The following ARID5B variants were observed in gnomAD, a reference collection of about 807,000 sequenced individuals.
ARID5B encodes AT-rich interaction domain 5B, also known as AT-rich interactive domain-containing protein 5B.
Under a neutral mutation model 97.2 loss-of-function variants are expected in ARID5B, and 13 were observed. The ratio of observed to expected loss-of-function variants is 0.13; its 90% CI spans 0.09 to 0.21. The LOEUF (loss-of-function observed/expected upper bound fraction) is 0.21, where lower values mean the gene tolerates loss of function less well. Among genes scored for constraint, ARID5B ranks in the 10% least tolerant of loss-of-function variants. ARID5B has a pLI of 1.00. For synonymous variants in ARID5B, 556 were observed against 570.3 expected (o/e 0.97, Z 0.36); for missense variants, 1,210 against 1,465.3 (o/e 0.83, Z 2.84).
intron 3 of ARID5B, among the ~76,000 whole-genome samples, chr10:61,976,702 C>T (rs1838703478): frequency 6.6e-6 from 1 of 152,168 alleles, no homozygotes; most frequent in African/African-American, 2.4e-5. Context: ...TGGTTTGGAG[C>T]ATCAACACCC....
intron 8 of ARID5B, among the ~76,000 whole-genome samples, chr10:62,071,665 G>A (rs931399167): frequency 7.2e-5 from 11 of 151,826 alleles, no homozygotes; most frequent in Admixed American, 1.3e-4. Flanking sequence ...TTCTTCTGAA[G>A]ATTGTGTACT....
intron 4 of ARID5B, among the ~76,000 whole-genome samples, chr10:62,039,158 G>C (rs764512336): frequency 2.0e-5 from 3 of 152,200 alleles, no homozygotes; most frequent in Non-Finnish European, 4.4e-5. Context: ...TGCTATAAAA[G>C]AGTTTGGAGG....
intron 3 of ARID5B, among the ~76,000 whole-genome samples, chr10:61,995,116 TAGA>T (rs1442413527): frequency 1.3e-5 from 2 of 152,214 alleles, no homozygotes; most frequent in Non-Finnish European, 1.5e-5. Context: ...TAGAGTGTGT[TAGA>T]AGAATACTCC....
rs763852048 is a variant in ARID5B at position 62,092,646 on chromosome 10, T to C, written c.3183T>C (p.His1061=). 1 of 1,614,088 alleles carries C rather than the reference T, an allele frequency of 6.2e-7. No individual in the cohort carries two copies. The highest frequency in any genetic ancestry group is 1.1e-5 in the South Asian group (1 of 91,078). ...SEGSKAAHGG[H]SGGGSEGHKL... ...GCAGCAAAGCAGCGCACGGTGGGCATTCCGGGGGCGGATCAGAAGGCCACA... is the reference window on the plus strand; with the variant it reads ...GCAGCAAAGCAGCGCACGGTGGGCACTCCGGGGGCGGATCAGAAGGCCACA... The change falls in exon 10 of 10, where the codon CAT becomes CAC. Residue 1061 remains histidine, a synonymous_variant. Transcript: ENST00000279873.
At chr10:62,049,353 G>T (rs1839754545) in intron 4 of ARID5B, 1 of 1,539,712 alleles carries the variant, frequency 6.5e-7, no homozygotes. Context: ...GAGCCTCGCA[G>T]CTCGCATTCG....
intron 3 of ARID5B, among the ~76,000 whole-genome samples, chr10:61,940,871 C>CAACCAATG (rs1478993874): frequency 7.7e-6 from 1 of 129,324 alleles, no homozygotes; most frequent in Admixed American, 8.9e-5. Context: ...CACTGGTTGG[C>CAACCAATG]AACCAATGGC....
chr10:62,078,202 C>T (rs1237523446), intron 8 of ARID5B, among the ~76,000 whole-genome samples: 1 of 152,166 alleles, frequency 6.6e-6, no homozygotes, highest in African/African-American at 2.4e-5. Flanking sequence ...AAAACACTGC[C>T]ATGTTGGCTG....
At chr10:61,934,720 A>G (rs1022502471) in intron 2 of ARID5B, among the ~76,000 whole-genome samples, 2 of 152,184 alleles carry the variant, frequency 1.3e-5, no homozygotes, top group Admixed American at 1.3e-4. Context: ...AGTAATATTA[A>G]AGATCACTGA....
At chr10:61,980,269 T>C (rs1470718766) in intron 3 of ARID5B, among the ~76,000 whole-genome samples, 3 of 152,172 alleles carry the variant, frequency 2.0e-5, no homozygotes, top group Non-Finnish European at 4.4e-5. Context: ...CTGGTCACAG[T>C]CTCCCTAGAA....
chr10:62,025,384 T>A (rs2132896456), intron 4 of ARID5B: 1 of 152,330 alleles, frequency 6.6e-6, no homozygotes, highest in African/African-American at 2.4e-5. Context: ...GGCAGATTTA[T>A]AATGGGTATC....
At chr10:61,984,466 T>G (rs529364652) in intron 3 of ARID5B, among the ~76,000 whole-genome samples, 44 of 152,322 alleles carry the variant, frequency 2.9e-4, no homozygotes, top group Non-Finnish European at 5.4e-4. Context: ...GCTTGCATGG[T>G]CTCTTTCTCC....
intron 3 of ARID5B, among the ~76,000 whole-genome samples, chr10:61,948,380 A>ATTTTTT (rs71470784): frequency 0.015 from 1,318 of 86,074 alleles, 116 homozygotes; most frequent in African/African-American, 0.059. Context: ...ACTTTAGGTA[A>ATTTTTT]TTTTTTTTTT....
chr10:62,063,601 C>T (rs1839950153), intron 7 of ARID5B, among the ~76,000 whole-genome samples: 1 of 152,002 alleles, frequency 6.6e-6, no homozygotes. Flanking sequence ...TCTCTTCTGC[C>T]TTTGCTGGAA....
At chr10:61,962,051 C>G (rs1302410456) in intron 3 of ARID5B, among the ~76,000 whole-genome samples, 3 of 152,182 alleles carry the variant, frequency 2.0e-5, no homozygotes, top group African/African-American at 7.2e-5. Flanking sequence ...ACCCGGCCTT[C>G]TCGGCAATTT....
At chr10:62,028,851 C>T (rs1483561891) in intron 4 of ARID5B, among the ~76,000 whole-genome samples, 2 of 151,540 alleles carry the variant, frequency 1.3e-5, no homozygotes, top group Non-Finnish European at 2.9e-5. Context: ...ATCCCAGCTA[C>T]TTGGGAGGCT....
intron 7 of ARID5B, among the ~76,000 whole-genome samples, chr10:62,065,503 A>C (rs1436735839): frequency 6.6e-6 from 1 of 152,182 alleles, no homozygotes; most frequent in African/African-American, 2.4e-5. Context: ...GAGGAGGCAC[A>C]GCTCAAAAGA....
In ARID5B at chr10:61,928,577, G is replaced by A. The variant is rs572323063; in HGVS notation, c.277-11606G>A. ...CAAAGTGCTGGGATTACAGGCATGA[G>A]CCACCGTACCTGCCCCCCAACTTGA... On this transcript the variant is annotated intron_variant, in intron 2 of 9. Coordinates refer to ENST00000279873, the MANE Select transcript of ARID5B (RefSeq NM_032199.3). Among the ~76,000 whole-genome samples the A allele has an allele frequency of 3.3e-5, 5 of 152,238 alleles. No individual in the cohort carries two copies. The South Asian group carries it at 1.0e-3, about 32-fold the overall frequency.
At chr10:61,913,956 G>T (rs1342906078) in intron 2 of ARID5B, among the ~76,000 whole-genome samples, 2 of 152,176 alleles carry the variant, frequency 1.3e-5, no homozygotes, top group African/African-American at 4.8e-5. Context: ...TCTCCATGTT[G>T]GCGAGGCTGG....
chr10:61,977,941 G>A (rs1213181121), intron 3 of ARID5B, among the ~76,000 whole-genome samples: 7 of 152,108 alleles, frequency 4.6e-5, no homozygotes, highest in Admixed American at 6.5e-5. Context: ...GCCCATGCCT[G>A]TGTCCTGAAT....
Sources: gnomAD v4.1 joint callset for allele counts (sites outside exome capture counted in the v4.1 genomes callset) on GRCh38, gnomAD v4.1.1 for gene constraint, MANE v1.5 for transcripts, NCBI Gene and HGNC (gene_info 2026-07-23, HGNC 2026-07-21) for gene names.